Variants in CD46 observed in about 807,000 individuals in gnomAD.
The protein encoded by CD46 is CD46 molecule.
In CD46, 30 loss-of-function variants were observed where a neutral mutation model predicts 53.3. That is an observed-to-expected ratio of 0.56 (90% CI 0.42 to 0.76). CD46 has a LOEUF of 0.76. CD46 is among the 30% of genes least tolerant of loss of function. The pLI is 0.00. For missense variants in CD46, 409 were observed against 463.0 expected, an observed-to-expected ratio of 0.88 and a Z score of 1.07; for synonymous variants, 142 against 152.0, an observed-to-expected ratio of 0.93 and a Z score of 0.48.
rs1167116466 is a variant in CD46 at position 207,757,591 on chromosome 1, C to T, written c.338C>T (p.Ala113Val). The T allele has an allele frequency of 1.2e-6, 2 of 1,611,762 alleles. No homozygotes were observed. The highest frequency in any genetic ancestry group is 2.2e-5 in the South Asian group (2 of 90,726). The change falls in exon 3 of 13, where the codon GCA becomes GTA. Residue 113 changes from alanine to valine, a missense_variant. Coordinates refer to ENST00000367042, the MANE Select transcript of CD46 (RefSeq NM_172351.3). ...RDPLNGQAVP[A>V]NGTYEFGYQM... Reference sequence around the variant, plus strand: ...CCTTTAAATGGCCAAGCAGTCCCTGCAAATGGGACTTACGAGTTTGGTTAT... The same window carrying T: ...CCTTTAAATGGCCAAGCAGTCCCTGTAAATGGGACTTACGAGTTTGGTTAT...
intron 12 of CD46, among the ~76,000 whole-genome samples, chr1:207,793,194 A>T (rs1659964977): frequency 6.6e-6 from 1 of 152,178 alleles, no homozygotes; most frequent in Admixed American, 6.5e-5. Flanking sequence ...AAATGGAGGG[A>T]TCAGGAAAGC....
chr1:207,752,094 C>T lies in CD46; in HGVS notation c.-119C>T, dbSNP rs534493870. On this transcript the variant is annotated 5_prime_UTR_variant, in exon 1 of 13. Transcript: ENST00000367042. This position sits in a 1 kb window ranked among gnomAD's most constrained non-coding sequence, Gnocchi z 4.1. ...CCCACCTGTCCTGCAGCACTGGATG[C>T]TTTGTGAGTTGGGGATTGTTGCGTC... is the stretch of plus-strand genomic sequence containing the variant. 2.0e-6 allele frequency: 2 copies of T among 987,292 alleles called. No individual in the cohort carries two copies. Among genetic ancestry groups the T allele is most frequent in the Admixed American group, 1.7e-5 (1 of 59,198 alleles). The allele number at this position is 987,292 out of a possible 1,614,324, so 61.2% of individuals were successfully genotyped here.
rs182657319 is a variant in CD46 at position 207,760,156 on chromosome 1, A to C, written c.475+432A>C. On this transcript the variant is annotated intron_variant, in intron 4 of 12. Coordinates refer to ENST00000367042, the MANE Select transcript of CD46 (RefSeq NM_172351.3). ...GCCTCCCAAAGTGCTGGGATTACAA[A>C]TGTGAGCCACCCCACCTGGCCTGAT... is the stretch of plus-strand genomic sequence containing the variant. 113 of 163,712 alleles carry C rather than the reference A, an allele frequency of 6.9e-4. 3 individuals are homozygous for C. The East Asian group carries it at 0.02, about 29-fold the overall frequency. The allele number at this position is 163,712 out of a possible 1,614,324, so 10.1% of individuals were successfully genotyped here.
chr1:207,782,716 C>T (rs566740962), intron 8 of CD46, among the ~76,000 whole-genome samples: 35 of 131,616 alleles, frequency 2.7e-4, no homozygotes, highest in African/African-American at 8.2e-4. Context: ...GGCTGTGTCT[C>T]GGCTCACTGC....
At chr1:207,788,532 C>CA (rs1055264019) in intron 11 of CD46, among the ~76,000 whole-genome samples, 2 of 151,788 alleles carry the variant, frequency 1.3e-5, no homozygotes, top group African/African-American at 2.4e-5. Context: ...ACAAAAAACA[C>CA]AAAAAAACCC....
chr1:207,764,495 C>T (rs1351167828), intron 5 of CD46, among the ~76,000 whole-genome samples: 2 of 152,138 alleles, frequency 1.3e-5, no homozygotes, highest in African/African-American at 4.8e-5. Context: ...CATCCTTTTT[C>T]TGACTTCCCC....
chr1:207,754,953 TAA>T (rs5780402), intron 1 of CD46, among the ~76,000 whole-genome samples: 3,383 of 133,034 alleles, frequency 0.025, 96 homozygotes, highest in African/African-American at 0.07. Flanking sequence ...ACAAAACATG[TAA>T]AAAAAAAAAA....
At chr1:207,793,420 A>AT in intron 12 of CD46, 99 bp from the exon 13 acceptor site, 1 of 899,618 alleles carries the variant, frequency 1.1e-6, no homozygotes, top group Non-Finnish European at 1.8e-6. Context: ...TCATTACTAT[A>AT]TTTTTTTAAT....
chr1:207,791,219 T>C (rs1328428153), intron 12 of CD46, among the ~76,000 whole-genome samples: 3 of 152,230 alleles, frequency 2.0e-5, no homozygotes, highest in African/African-American at 7.2e-5. Flanking sequence ...CCAAAACCTC[T>C]AGTGGTTGCC....
At chr1:207,764,604 AACAG>A (rs1189421326) in intron 5 of CD46, among the ~76,000 whole-genome samples, 1 of 152,248 alleles carries the variant, frequency 6.6e-6, no homozygotes, top group Non-Finnish European at 1.5e-5. Context: ...AAAATTATTC[AACAG>A]ACAAACAAAA....
rs190154186 is a variant in CD46 at position 207,786,013 on chromosome 1, T to C, written c.1082+331T>C. On this transcript the variant is annotated intron_variant, in intron 11 of 12. Transcript: ENST00000367042. Reference sequence around the variant, plus strand: ...TCTACCCTATTCCCTATTTCCAAAATTGCACTAATGGCCAAAATTAAATTT... The same window carrying C: ...TCTACCCTATTCCCTATTTCCAAAACTGCACTAATGGCCAAAATTAAATTT... The C allele has an allele frequency of 2.2e-3, 494 of 225,990 alleles. 2 individuals are homozygous for C. Among genetic ancestry groups the C allele is most frequent in the Non-Finnish European group, 3.3e-3 (374 of 112,424 alleles). 14.0% of individuals were successfully genotyped at this position (225,990 alleles called of 1,614,324 possible). A position where few individuals can be genotyped will look rare whatever the true frequency, so the allele number is the denominator to read the frequency against.
intron 1 of CD46, among the ~76,000 whole-genome samples, chr1:207,756,339 T>G (rs991278789): frequency 6.6e-6 from 1 of 152,236 alleles, no homozygotes; most frequent in Non-Finnish European, 1.5e-5. Flanking sequence ...CTCACCATCA[T>G]AAATTCAGAC....
In CD46 at chr1:207,757,207, G is replaced by A; in HGVS notation, c.286+5G>A. The A allele has an allele frequency of 2.5e-6, 4 of 1,610,026 alleles. No homozygotes were observed. Among genetic ancestry groups the A allele is most frequent in the Non-Finnish European group, 3.4e-6 (4 of 1,177,758 alleles). ...TCTCAGATGACGCCTGTTATAGTAA[G>A]TAAACAAACCTCTTTTTTTTTTCTG... On this transcript the variant is annotated splice_donor_5th_base_variant and intron_variant, in intron 2 of 12. Transcript: ENST00000367042.
chr1:207,792,814 G>A (rs1659923008), intron 12 of CD46, among the ~76,000 whole-genome samples: 1 of 152,138 alleles, frequency 6.6e-6, no homozygotes, highest in Admixed American at 6.5e-5. Flanking sequence ...TGCTGCAAGT[G>A]TCAAACACAC....
In CD46 at chr1:207,793,769, T is replaced by G; in HGVS notation, c.*292T>G. 1 of 673,848 alleles carries G rather than the reference T, an allele frequency of 1.5e-6. No homozygotes were observed. 41.7% of individuals were successfully genotyped at this position (673,848 alleles called of 1,614,324 possible). A position where few individuals can be genotyped will look rare whatever the true frequency, so the allele number is the denominator to read the frequency against. The stretch of plus-strand genomic sequence containing the variant: ...TTTGAAACTTGTATGAATTTGGGTA[T>G]GAACAGATTGCCTGCTTTCCCTTAA... On this transcript the variant is annotated 3_prime_UTR_variant, in exon 13 of 13. Transcript: ENST00000367042.
intron 8 of CD46, among the ~76,000 whole-genome samples, chr1:207,775,947 G>A (rs542482178): frequency 1.3e-5 from 2 of 152,338 alleles, no homozygotes; most frequent in African/African-American, 4.8e-5. Flanking sequence ...GCTGCGTTTT[G>A]TTCTACTATG....
Position 207,767,162 on chromosome 1 carries a change from A to G in CD46, c.823A>G (p.Thr275Ala). The change falls in exon 6 of 13, where the codon ACT becomes GCT. Residue 275 changes from threonine to alanine, a missense_variant. Transcript: ENST00000367042. ...CACAATTGTCTGTGACAGTAACAGTACTTGGGATCCCCCAGTTCCAAAGTG... is the reference window on the plus strand; with the variant it reads ...CACAATTGTCTGTGACAGTAACAGTGCTTGGGATCCCCCAGTTCCAAAGTG... Reference protein sequence around the residue: ...SDTIVCDSNSTWDPPVPKCLK... With the variant: ...SDTIVCDSNSAWDPPVPKCLK... 6.2e-7 allele frequency: 1 copy of G among 1,613,938 alleles called. No homozygotes were observed. The highest frequency in any genetic ancestry group is 8.5e-7 in the Non-Finnish European group (1 of 1,179,788).
At position 207,793,970 on chromosome 1, in the gene CD46, T is replaced by G. The variant is rs1435736890; in HGVS notation, c.*493T>G. ...TTTTTGTTCAAAGATTAATGCCAAC[T>G]CTTAAGATTATTCTTTCACCAACTA... On this transcript the variant is annotated 3_prime_UTR_variant, in exon 13 of 13. Coordinates refer to ENST00000367042, the MANE Select transcript of CD46 (RefSeq NM_172351.3). The G allele has an allele frequency of 4.5e-6, 1 of 222,806 alleles. No individual in the cohort carries two copies. Among genetic ancestry groups the G allele is most frequent in the East Asian group, 1.0e-4 (1 of 9,816 alleles). The allele number at this position is 222,806 out of a possible 1,614,324, so 13.8% of individuals were successfully genotyped here. A position where few individuals can be genotyped will look rare whatever the true frequency, so the allele number is the denominator to read the frequency against.
chr1:207,782,046 C>G (rs1198757274), intron 8 of CD46, among the ~76,000 whole-genome samples: 1 of 151,926 alleles, frequency 6.6e-6, no homozygotes, highest in African/African-American at 2.4e-5. Context: ...CTAAATTTTT[C>G]CAATCCATAA....
Sources: gnomAD v4.1 joint callset for allele counts (sites outside exome capture counted in the v4.1 genomes callset) on GRCh38, gnomAD v4.1.1 for gene constraint, Gnocchi (gnomAD v3.1) non-coding constraint, MANE v1.5 for transcripts, NCBI Gene and HGNC (gene_info 2026-07-23, HGNC 2026-07-21) for gene names.